PLCL1: variants seen among roughly 807,000 people sequenced by gnomAD.
PLCL1 encodes phospholipase C like 1 (inactive).
Under a neutral mutation model 84.4 loss-of-function variants are expected in PLCL1, and 41 were observed. The observed-to-expected ratio is 0.49, with a 90% CI of 0.38 to 0.63. The LOEUF (loss-of-function observed/expected upper bound fraction) is 0.63, where lower values mean the gene tolerates loss of function less well. Ranked by LOEUF, PLCL1 falls within the 30% of genes least tolerant of loss-of-function variation. PLCL1 has a pLI of 0.00. For synonymous variants in PLCL1, 490 were observed against 488.3 expected, an observed-to-expected ratio of 1.00 and a Z score of -0.05; for missense variants, 1,206 against 1,367.8, an observed-to-expected ratio of 0.88 and a Z score of 1.87.
At chr2:198,140,896 T>TA in intron 5 of PLCL1, among the ~76,000 whole-genome samples, 1 of 152,292 alleles carries the variant, frequency 6.6e-6, no homozygotes, top group East Asian at 1.9e-4. Flanking sequence ...TGACCAATCC[T>TA]AAAATACATC....
intron 1 of PLCL1, among the ~76,000 whole-genome samples, chr2:197,814,453 C>G (rs1021615379): frequency 6.6e-6 from 1 of 152,192 alleles, no homozygotes; most frequent in Admixed American, 6.5e-5. Context: ...GACTGCTCCA[C>G]TGACCTGCCG....
chr2:198,119,078 A>C (rs564257615), intron 5 of PLCL1, among the ~76,000 whole-genome samples: 2 of 152,024 alleles, frequency 1.3e-5, no homozygotes, highest in African/African-American at 4.8e-5. Context: ...GAAAATGTCA[A>C]TTGTAACTCA....
intron 1 of PLCL1, among the ~76,000 whole-genome samples, chr2:198,032,528 A>G (rs973521349): frequency 2.6e-5 from 4 of 152,194 alleles, no homozygotes; most frequent in African/African-American, 9.6e-5. Flanking sequence ...CAATTTGCTA[A>G]GCATCAGGTG....
intron 1 of PLCL1, among the ~76,000 whole-genome samples, chr2:198,014,770 T>C (rs1690951516): frequency 6.6e-6 from 1 of 152,142 alleles, no homozygotes; most frequent in African/African-American, 2.4e-5. Context: ...TTGCAAATAA[T>C]TCACTTAATA....
At chr2:197,840,781 C>G (rs1252237588) in intron 1 of PLCL1, among the ~76,000 whole-genome samples, 1 of 152,098 alleles carries the variant, frequency 6.6e-6, no homozygotes, top group Admixed American at 6.5e-5. Context: ...ACCATAGCAC[C>G]CTAGCTTCCT....
intron 1 of PLCL1, among the ~76,000 whole-genome samples, chr2:197,906,990 A>G (rs755688951): frequency 2.6e-5 from 4 of 152,182 alleles, no homozygotes; most frequent in Non-Finnish European, 4.4e-5. Context: ...TTCTAAATAT[A>G]CAATCATGTT....
intron 1 of PLCL1, among the ~76,000 whole-genome samples, chr2:197,992,144 ATGTTGGTGTGC>A (rs919593597): frequency 3.3e-5 from 5 of 152,074 alleles, no homozygotes; most frequent in Admixed American, 1.3e-4. Flanking sequence ...TACATGTGCC[ATGTTGGTGTGC>A]TGCACCCACC....
chr2:197,854,674 T>C (rs1025830244), intron 1 of PLCL1, among the ~76,000 whole-genome samples: 1 of 152,200 alleles, frequency 6.6e-6, no homozygotes, highest in African/African-American at 2.4e-5. Context: ...ACTAGGGCTA[T>C]ATTTTTTGTT....
intron 1 of PLCL1, among the ~76,000 whole-genome samples, chr2:197,948,298 C>A (rs981072458): frequency 6.6e-6 from 1 of 152,058 alleles, no homozygotes; most frequent in South Asian, 2.1e-4. Context: ...GGAGAAATGA[C>A]AAAATTTTGT....
intron 1 of PLCL1, among the ~76,000 whole-genome samples, chr2:197,886,950 T>TA (rs2105721278): frequency 6.6e-6 from 1 of 152,314 alleles, no homozygotes; most frequent in East Asian, 1.9e-4. Flanking sequence ...CAAGCTGCTT[T>TA]AACATACATT....
At position 197,894,282 on chromosome 2, in the gene PLCL1, C is replaced by T. The variant is rs532301837; in HGVS notation, c.240+88943C>T. Among the ~76,000 whole-genome samples, 24 of 152,076 alleles carry T rather than the reference C, an allele frequency of 1.6e-4. No individual in the cohort carries two copies. The South Asian group carries it at 4.6e-3, about 29-fold the overall frequency. ...GACAATAGGTGTTGAGTGAGCCAGC[C>T]TACAGTGCCTGTCACAGTCTTACCG... On this transcript the variant is annotated intron_variant, in intron 1 of 5. Coordinates refer to ENST00000428675, the MANE Select transcript of PLCL1 (RefSeq NM_006226.4).
intron 1 of PLCL1, among the ~76,000 whole-genome samples, chr2:197,951,063 T>TGGGACTAAGTGGCTAAGTCCCACTAGATG (rs1689381185): frequency 6.6e-6 from 1 of 152,098 alleles, no homozygotes; most frequent in African/African-American, 2.4e-5. Context: ...ATGGGAATGA[T>TGGGACTAAGTGGCTAAGTCCCACTAGATG]GGAACTAGTG....
chr2:198,111,543 A>G (rs943105629), intron 5 of PLCL1, among the ~76,000 whole-genome samples: 1 of 151,926 alleles, frequency 6.6e-6, no homozygotes, highest in African/African-American at 2.4e-5. Context: ...GGCACATGCT[A>G]TATGAGTGTT....
At chr2:197,870,076 T>A (rs577241489) in intron 1 of PLCL1, among the ~76,000 whole-genome samples, 1 of 152,288 alleles carries the variant, frequency 6.6e-6, no homozygotes, top group Non-Finnish European at 1.5e-5. Context: ...GTTTTTGTTT[T>A]GTGTCTCCGT....
intron 3 of PLCL1, among the ~76,000 whole-genome samples, chr2:198,094,879 G>A (rs3755333): frequency 0.5 from 75,436 of 151,862 alleles, 22,160 homozygotes; most frequent in African/African-American, 0.83. Flanking sequence ...TGCCTATCTA[G>A]TATTTTGTGC....
At chr2:198,077,546 C>T (rs1356710229) in intron 1 of PLCL1, among the ~76,000 whole-genome samples, 2 of 151,996 alleles carry the variant, frequency 1.3e-5, no homozygotes, top group Non-Finnish European at 2.9e-5. Flanking sequence ...TCTCTCCTGC[C>T]CAGCCTCTAA....
At chr2:198,114,032 T>C (rs1008090615) in intron 5 of PLCL1, among the ~76,000 whole-genome samples, 3 of 151,550 alleles carry the variant, frequency 2.0e-5, no homozygotes, top group Non-Finnish European at 2.9e-5. Context: ...TAATATAGAA[T>C]ATTAGTATTA....
chr2:197,900,983 G>C (rs1418480482), intron 1 of PLCL1, among the ~76,000 whole-genome samples: 1 of 151,818 alleles, frequency 6.6e-6, no homozygotes, highest in Non-Finnish European at 1.5e-5. Flanking sequence ...TTACTTCCTG[G>C]GATTTTGAAA....
At chr2:198,009,319 C>T (rs1259530187) in intron 1 of PLCL1, among the ~76,000 whole-genome samples, 2 of 152,060 alleles carry the variant, frequency 1.3e-5, no homozygotes, top group East Asian at 3.9e-4. Flanking sequence ...AGTTTTAAGT[C>T]TAATTTTTAG....
Sources: gnomAD v4.1 joint callset for allele counts (sites outside exome capture counted in the v4.1 genomes callset) on GRCh38, gnomAD v4.1.1 for gene constraint, MANE v1.5 for transcripts, NCBI Gene and HGNC (gene_info 2026-07-23, HGNC 2026-07-21) for gene names.